Variants in BTNL9 observed in about 807,000 individuals in gnomAD.
BTNL9 encodes butyrophilin-like protein 9.
A neutral mutation model predicts 45.8 loss-of-function variants in BTNL9; 45 were observed. The ratio of observed to expected loss-of-function variants is 0.98; its 90% CI spans 0.77 to 1.26. The LOEUF (loss-of-function observed/expected upper bound fraction) is 1.26. Ranked by LOEUF, BTNL9 falls within the 50% of genes most tolerant of loss-of-function variation. The pLI is 0.00. For synonymous variants in BTNL9, 346 were observed against 330.8 expected, an observed-to-expected ratio of 1.05 and a Z score of -0.50; for missense variants, 784 against 729.7, an observed-to-expected ratio of 1.07 and a Z score of -0.86.
At position 181,058,363 on chromosome 5, in the gene BTNL9, GC is replaced by G. The variant is rs1561988247; in HGVS notation, c.970del (p.Gln324LysfsTer7). On this transcript the variant is annotated frameshift_variant, in exon 10 of 11. Coordinates refer to ENST00000327705, the MANE Select transcript of BTNL9 (RefSeq NM_152547.5). LOFTEE classifies it low-confidence loss of function (END_TRUNC). ...CTGTTTGGTTTCAGAGTGGAGAGCA[GC>G]CCAAAAATATGCAGGTAACTGAAGC... Reference protein sequence around the residue: ...RAEGQAEWRAAQKYAVDVTLD... With the variant: ...RAEGQAEWRAXQKYAVDVTLD... The G allele has an allele frequency of 6.2e-7, 1 of 1,614,126 alleles. No individual in the cohort carries two copies. The highest frequency in any genetic ancestry group is 8.5e-7 in the Non-Finnish European group (1 of 1,180,008).
In BTNL9 at chr5:181,055,777, AAAG is replaced by A. The variant is rs1039178319; in HGVS notation, c.929-209_929-207del. The stretch of plus-strand genomic sequence containing the variant: ...GAGCGAGACTCTGTCTCAAAAAAAA[AAAG>A]AACTATTTCTCCTCATTCATCATTT... On this transcript the variant is annotated intron_variant, in intron 8 of 10. Coordinates refer to ENST00000327705, the MANE Select transcript of BTNL9 (RefSeq NM_152547.5). This position sits in a 1 kb window ranked among gnomAD's most constrained non-coding sequence, Gnocchi z 4.4. 6 of 725,722 alleles carry A rather than the reference AAAG, an allele frequency of 8.3e-6. No homozygotes were observed. The highest frequency in any genetic ancestry group is 4.0e-5 in the Admixed American group (2 of 50,124). The allele number at this position is 725,722 out of a possible 1,614,324, so 45.0% of individuals were successfully genotyped here.
Position 181,059,413 on chromosome 5 carries a change from G to T in BTNL9, c.1159G>T (p.Glu387Ter). 1 of 1,506,118 alleles carries T rather than the reference G, an allele frequency of 6.6e-7. No homozygotes were observed. The highest frequency in any genetic ancestry group is 8.8e-7 in the Non-Finnish European group (1 of 1,131,032). 93.3% of individuals were successfully genotyped at this position (1,506,118 alleles called of 1,614,324 possible). The stretch of plus-strand genomic sequence containing the variant: ...GTTCTCCGCCGGCCGCCACTACTGG[G>T]AGGTGCACGTGGGCCGCCGCAGCCG... ...ERFSAGRHYW[E>*]VHVGRRSRWF... The change falls in exon 11 of 11, where the codon GAG becomes TAG. Residue 387 changes from glutamate (E) to a stop codon, truncating the protein, a stop_gained. Transcript: ENST00000327705. LOFTEE classifies it low-confidence loss of function (END_TRUNC).
intron 3 of BTNL9, among the ~76,000 whole-genome samples, chr5:181,049,462 C>T (rs1421954247): frequency 3.3e-5 from 5 of 151,942 alleles, no homozygotes; most frequent in African/African-American, 1.2e-4. Context: ...ATGCAAGGTT[C>T]GATAACATAC....
rs1263326402 is a variant in BTNL9, at chr5:181,045,618, G to C, written c.109+20G>C. ...GCTCAGGTATTGTGTCTGCAGCCTA[G>C]CTGGCCAGGATGTGAACGCCACCCC... On this transcript the variant is annotated intron_variant, in intron 2 of 10. Transcript: ENST00000327705. 1.3e-6 allele frequency: 2 copies of C among 1,591,074 alleles called. No individual in the cohort carries two copies. Among genetic ancestry groups the C allele is most frequent in the Non-Finnish European group, 1.7e-6 (2 of 1,160,606 alleles).
rs566700313 is a variant in BTNL9 at position 181,055,541 on chromosome 5, G to A, written c.928+88G>A. On this transcript the variant is annotated intron_variant, in intron 8 of 10. Coordinates refer to ENST00000327705, the MANE Select transcript of BTNL9 (RefSeq NM_152547.5). The surrounding 1 kb of genome is among the most constrained non-coding windows in gnomAD (Gnocchi z 4.4). ...TCCCAGTACTTTGGGAGGCCGAGGC[G>A]GGTGGATCACGAGGTCAGGAGATCG... The A allele has an allele frequency of 2.0e-4, 301 of 1,477,790 alleles. 1 individual carries two copies. In the South Asian group the frequency reaches 3.1e-3, roughly 15 times the overall value. 91.5% of individuals were successfully genotyped at this position (1,477,790 alleles called of 1,614,324 possible). A position where few individuals can be genotyped will look rare whatever the true frequency, so the allele number is the denominator to read the frequency against.
chr5:181,054,191 T>C lies in BTNL9; in HGVS notation c.887-48T>C, dbSNP rs183329496. The C allele has an allele frequency of 3.6e-4, 584 of 1,610,998 alleles. 5 individuals are homozygous for C. In the East Asian group the frequency reaches 0.011, roughly 30 times the overall value. ...GTTCTGTCTGCCTCATTCCCCAACC[T>C]GAGAGTCTTTCCCCTTTTCTTCATC... On this transcript the variant is annotated intron_variant, in intron 6 of 10. Transcript: ENST00000327705.
At chr5:181,045,430 T>C in intron 1 of BTNL9, 37 bp from the exon 2 acceptor site, 1 of 1,117,184 alleles carries the variant, frequency 9.0e-7, no homozygotes, top group Non-Finnish European at 1.4e-6. Flanking sequence ...CCCCCTACCT[T>C]TGCACGTCGC....
At position 181,053,964 on chromosome 5, in the gene BTNL9, A is replaced by C. The variant is rs1486235317; in HGVS notation, c.887-275A>C. The C allele has an allele frequency of 6.6e-7, 1 of 1,526,534 alleles. No individual in the cohort carries two copies. The highest frequency in any genetic ancestry group is 2.0e-5 in the Admixed American group (1 of 50,616). The allele number at this position is 1,526,534 out of a possible 1,614,324, so 94.6% of individuals were successfully genotyped here. ...CGGGGCTTAACGTTTCCGCCGAGCT[A>C]ATAGATTTGGGAGGCTCCGACCCTG... On this transcript the variant is annotated intron_variant, in intron 6 of 10. Coordinates refer to ENST00000327705, the MANE Select transcript of BTNL9 (RefSeq NM_152547.5). The surrounding 1 kb of genome is among the most constrained non-coding windows in gnomAD (Gnocchi z 6.5).
intron 10 of BTNL9, among the ~76,000 whole-genome samples, chr5:181,058,829 A>T (rs1762012071): frequency 6.6e-6 from 1 of 152,028 alleles, no homozygotes; most frequent in South Asian, 2.1e-4. Context: ...AAAAAAAAAA[A>T]AAATCCAAAA....
intron 1 of BTNL9, among the ~76,000 whole-genome samples, chr5:181,043,713 G>C (rs554860577): frequency 8.5e-5 from 13 of 152,356 alleles, no homozygotes; most frequent in African/African-American, 2.9e-4. Context: ...CTAGAATCCA[G>C]AAGAAAAGAC....
At chr5:181,054,756 G>T in intron 7 of BTNL9, 1 of 985,240 alleles carries the variant, frequency 1.0e-6, no homozygotes, top group Non-Finnish European at 1.2e-6. Context: ...GGGTTGGGGG[G>T]GCAATTCAGA....
intron 3 of BTNL9, among the ~76,000 whole-genome samples, chr5:181,048,784 AATTATATAGTTATATATTATATAATTAT>A (rs1233666678): frequency 7.8e-4 from 80 of 101,994 alleles, no homozygotes; most frequent in African/African-American, 3.1e-3. Flanking sequence ...GCTATATATT[AATTATATAGTTATATATTATATAATTAT>A]ATTAGTTATA....
At chr5:181,054,741 T>C in intron 7 of BTNL9, 6 of 984,412 alleles carry the variant, frequency 6.1e-6, no homozygotes, top group Non-Finnish European at 7.2e-6. Context: ...GCCATCATGG[T>C]GTTGGGGTTG....
rs1158820535 is a variant in BTNL9 at position 181,048,423 on chromosome 5, A to G, written c.454+152A>G. The G allele has an allele frequency of 9.2e-6, 7 of 757,880 alleles. No homozygotes were observed. In the African/African-American group the frequency reaches 1.2e-4, roughly 13 times the overall value. 46.9% of individuals were successfully genotyped at this position (757,880 alleles called of 1,614,324 possible). Reference sequence around the variant, plus strand: ...GTCCATTCTCAAATGAACAAACAAAACAAACAGTTCACCAAAAAATACACA... The same window carrying G: ...GTCCATTCTCAAATGAACAAACAAAGCAAACAGTTCACCAAAAAATACACA... On this transcript the variant is annotated intron_variant, in intron 3 of 10. Transcript: ENST00000327705.
In BTNL9 at chr5:181,059,059, T is replaced by C. The variant is rs549198952; in HGVS notation, c.983-178T>C. The C allele has an allele frequency of 1.3e-4, 79 of 628,238 alleles. 1 individual carries two copies. The highest frequency in any genetic ancestry group is 8.0e-4 in the Middle Eastern group (1 of 1,254). 38.9% of individuals were successfully genotyped at this position (628,238 alleles called of 1,614,324 possible). On this transcript the variant is annotated intron_variant, in intron 10 of 10. Coordinates refer to ENST00000327705, the MANE Select transcript of BTNL9 (RefSeq NM_152547.5). ...CTTGTCACTATCAAACACTCAGGAG[T>C]GACTGACACATGCCACTTCAGTCCT...
chr5:181,052,099 C>A (rs1761572247), intron 4 of BTNL9, among the ~76,000 whole-genome samples: 1 of 152,110 alleles, frequency 6.6e-6, no homozygotes, highest in African/African-American at 2.4e-5. Flanking sequence ...TTGCTTCAGA[C>A]ACCATCTGTT....
At chr5:181,045,272 T>A (rs1175041443) in intron 1 of BTNL9, among the ~76,000 whole-genome samples, 195 bp from the exon 2 acceptor site, 1 of 152,124 alleles carries the variant, frequency 6.6e-6, no homozygotes. Flanking sequence ...ACGGATGCCA[T>A]TAACAGTGTC....
rs190610114 is a variant in BTNL9, at chr5:181,054,656, G to A, written c.907+397G>A. ...ACTTTTCTCCCCAGAGGGACTCAGA[G>A]ACGTGAAACCATGGGATGTGTCTCT... On this transcript the variant is annotated intron_variant, in intron 7 of 10. Transcript: ENST00000327705. The A allele has an allele frequency of 5.1e-6, 5 of 985,372 alleles. No homozygotes were observed. The African/African-American group carries it at 7.0e-5, about 14-fold the overall frequency. 61.0% of individuals were successfully genotyped at this position (985,372 alleles called of 1,614,324 possible).
chr5:181,051,774 C>T (rs1761554187), intron 4 of BTNL9, among the ~76,000 whole-genome samples: 1 of 151,932 alleles, frequency 6.6e-6, no homozygotes, highest in Admixed American at 6.6e-5. Flanking sequence ...CTTTTTGCAC[C>T]AGGAAAAACC....
Sources: allele counts gnomAD v4.1 joint callset (sites outside exome capture counted in the v4.1 genomes callset), GRCh38; gene constraint gnomAD v4.1.1; non-coding constraint Gnocchi (gnomAD v3.1); transcripts MANE v1.5; gene names NCBI Gene and HGNC (gene_info 2026-07-23, HGNC 2026-07-21).